The following MLIP variants were observed in gnomAD, a reference collection of about 807,000 sequenced individuals.
MLIP encodes the protein muscular LMNA-interacting protein.
MLIP carries 79 observed loss-of-function variants against 84.8 expected under a neutral mutation model. That is an observed-to-expected ratio of 0.93 (90% CI 0.78 to 1.12). The LOEUF is 1.12. MLIP is among the 50% of genes most tolerant of loss of function. The pLI is 0.00. For synonymous variants in MLIP, 504 were observed against 463.0 expected, an observed-to-expected ratio of 1.09 and a Z score of -1.14; for missense variants, 1,257 against 1,160.6, an observed-to-expected ratio of 1.08 and a Z score of -1.21.
At chr6:54,222,533 A>C (rs1449401906) in intron 11 of MLIP, among the ~76,000 whole-genome samples, 1 of 152,044 alleles carries the variant, frequency 6.6e-6, no homozygotes, top group Non-Finnish European at 1.5e-5. Flanking sequence ...TTATATTGTC[A>C]CAGATGGCAG....
At chr6:54,264,285 A>G (rs186607827) in intron 13 of MLIP, among the ~76,000 whole-genome samples, 1 of 152,070 alleles carries the variant, frequency 6.6e-6, no homozygotes, top group South Asian at 2.1e-4. Flanking sequence ...CATCTACATC[A>G]TATATGCTCA....
chr6:54,026,987 C>G (rs992112894), intron 1 of MLIP, among the ~76,000 whole-genome samples: 2 of 152,144 alleles, frequency 1.3e-5, no homozygotes, highest in African/African-American at 4.8e-5. Context: ...CAAAAGTGCT[C>G]TCTGGCTGTG....
intron 11 of MLIP, chr6:54,216,488 A>G (rs888828280): frequency 2.4e-5 from 24 of 985,390 alleles, no homozygotes; most frequent in Non-Finnish European, 2.2e-5. Context: ...CCTCCATCAG[A>G]TACTTCCATG....
At chr6:54,210,097 G>A (rs1443399012) in intron 11 of MLIP, among the ~76,000 whole-genome samples, 1 of 152,246 alleles carries the variant, frequency 6.6e-6, no homozygotes, top group South Asian at 2.1e-4. Flanking sequence ...AATTGTGACT[G>A]GCCTCAGGAA....
chr6:54,199,150 C>T (rs758973979), intron 10 of MLIP, among the ~76,000 whole-genome samples: 2 of 151,986 alleles, frequency 1.3e-5, no homozygotes, highest in Non-Finnish European at 2.9e-5. Flanking sequence ...ACTACAGGAG[C>T]TTTGTTTTTG....
intron 9 of MLIP, among the ~76,000 whole-genome samples, chr6:54,179,488 T>C (rs957504646): frequency 6.6e-6 from 1 of 152,148 alleles, no homozygotes; most frequent in African/African-American, 2.4e-5. Context: ...CTTTTCCTTT[T>C]TCCTGTCTTT....
At chr6:54,195,790 T>A (rs542603515) in intron 10 of MLIP, among the ~76,000 whole-genome samples, 1 of 152,250 alleles carries the variant, frequency 6.6e-6, no homozygotes, top group South Asian at 2.1e-4. Flanking sequence ...GCATCAGATA[T>A]AATATCCTCT....
At chr6:54,140,115 T>C (rs1772164918) in intron 4 of MLIP, among the ~76,000 whole-genome samples, 1 of 152,200 alleles carries the variant, frequency 6.6e-6, no homozygotes, top group Non-Finnish European at 1.5e-5. Context: ...ACTCACAATC[T>C]AATCATTACT....
chr6:54,163,368 AT>A (rs1417656452), intron 8 of MLIP, among the ~76,000 whole-genome samples: 1 of 151,766 alleles, frequency 6.6e-6, no homozygotes, highest in African/African-American at 2.4e-5. Context: ...AATTATTGCA[AT>A]TCTTGTTATG....
chr6:54,246,463 A>C (rs1374687749), intron 12 of MLIP, among the ~76,000 whole-genome samples: 1 of 151,928 alleles, frequency 6.6e-6, no homozygotes, highest in East Asian at 1.9e-4. Flanking sequence ...AGTTTGGTTC[A>C]TATTGGAGAG....
At chr6:54,179,015 T>G (rs1033633539) in intron 9 of MLIP, among the ~76,000 whole-genome samples, 1 of 152,232 alleles carries the variant, frequency 6.6e-6, no homozygotes, top group African/African-American at 2.4e-5. Context: ...CAGCTATTAT[T>G]GCATTGAGGT....
intron 1 of MLIP, among the ~76,000 whole-genome samples, chr6:54,085,288 A>G (rs893455373): frequency 3.3e-5 from 5 of 152,216 alleles, no homozygotes; most frequent in Non-Finnish European, 5.9e-5. Context: ...CTGCAGTGCT[A>G]TGGAGTCAGA....
intron 13 of MLIP, among the ~76,000 whole-genome samples, chr6:54,260,882 G>GCCTC (rs1783338878): frequency 6.6e-6 from 1 of 151,906 alleles, no homozygotes; most frequent in Non-Finnish European, 1.5e-5. Flanking sequence ...GAGGCTTAGG[G>GCCTC]CATTCCAAAC....
chr6:54,213,376 T>C (rs1582519527), intron 11 of MLIP, among the ~76,000 whole-genome samples: 2 of 152,254 alleles, frequency 1.3e-5, no homozygotes, highest in East Asian at 3.9e-4. Context: ...GTATAGATTT[T>C]GTAACACTAA....
intron 9 of MLIP, among the ~76,000 whole-genome samples, chr6:54,179,448 T>G (rs999044184): frequency 6.6e-6 from 1 of 152,072 alleles, no homozygotes; most frequent in Non-Finnish European, 1.5e-5. Context: ...GTTATTAGTT[T>G]TCTGGTTGTT....
intron 1 of MLIP, among the ~76,000 whole-genome samples, chr6:54,052,674 CTG>C (rs1249973647): frequency 6.6e-6 from 1 of 152,084 alleles, no homozygotes; most frequent in East Asian, 1.9e-4. Context: ...TCTTCTTTCA[CTG>C]TTTTTTTGGA....
At chr6:54,260,592 G>T (rs1235727223) in intron 13 of MLIP, among the ~76,000 whole-genome samples, 1 of 151,838 alleles carries the variant, frequency 6.6e-6, no homozygotes, top group Non-Finnish European at 1.5e-5. Context: ...ACACAAAATA[G>T]AAAGTAAAAG....
In MLIP at chr6:54,193,842, A is replaced by G. The variant is rs77901482; in HGVS notation, c.2589+3928A>G. On this transcript the variant is annotated intron_variant, in intron 10 of 13. Coordinates refer to ENST00000502396, the MANE Select transcript of MLIP (RefSeq NM_001281747.2). ...AAAGCTTTCCTAGCTGTTGAGCTGA[A>G]TCATCACAAAGATATTAACAAAGGC... is the stretch of plus-strand genomic sequence containing the variant. Among the ~76,000 whole-genome samples, 1,179 of 152,288 alleles carry G rather than the reference A, an allele frequency of 7.7e-3. 19 individuals are homozygous for G. The highest frequency in any genetic ancestry group is 0.026 in the African/African-American group (1,100 of 41,564).
At chr6:54,217,144 T>C in intron 11 of MLIP, 1 of 985,412 alleles carries the variant, frequency 1.0e-6, no homozygotes, top group Non-Finnish European at 1.2e-6. Context: ...ATTTTACCTA[T>C]GGTACTCTGA....
Sources: allele counts gnomAD v4.1 joint callset (sites outside exome capture counted in the v4.1 genomes callset), GRCh38; gene constraint gnomAD v4.1.1; transcripts MANE v1.5; gene names NCBI Gene and HGNC (gene_info 2026-07-23, HGNC 2026-07-21).